Variants in MAP3K7 observed in about 807,000 individuals in gnomAD.
MAP3K7 encodes TGF-beta activated kinase 1.
In MAP3K7, 21 loss-of-function variants were observed where a neutral mutation model predicts 84.8. That is an observed-to-expected ratio of 0.25 (90% CI 0.18 to 0.36). The LOEUF (loss-of-function observed/expected upper bound fraction) is 0.36. Ranked by LOEUF, MAP3K7 falls within the 10% of genes least tolerant of loss-of-function variation. The pLI is 1.00. For synonymous variants in MAP3K7, 241 were observed against 247.7 expected (o/e 0.97, Z 0.25); for missense variants, 503 against 747.7 (o/e 0.67, Z 3.82).
chr6:90,562,619 C>A (rs956174534), intron 3 of MAP3K7, among the ~76,000 whole-genome samples: 1 of 152,222 alleles, frequency 6.6e-6, no homozygotes, highest in African/African-American at 2.4e-5. Flanking sequence ...AGGAGGCCTG[C>A]CCGCCTCTGT....
At chr6:90,567,808 C>T (rs1213567384) in intron 3 of MAP3K7, among the ~76,000 whole-genome samples, 1 of 152,142 alleles carries the variant, frequency 6.6e-6, no homozygotes, top group Non-Finnish European at 1.5e-5. Context: ...GACTTGGAAC[C>T]AACCCAAATG....
At chr6:90,584,896 T>C (rs754812441) in intron 1 of MAP3K7, among the ~76,000 whole-genome samples, 22 of 152,118 alleles carry the variant, frequency 1.4e-4, no homozygotes, top group Non-Finnish European at 2.8e-4. Context: ...GAAAGCTGCA[T>C]CAACTATCCA....
chr6:90,569,024 T>C (rs907041866), intron 2 of MAP3K7, among the ~76,000 whole-genome samples: 2 of 152,208 alleles, frequency 1.3e-5, no homozygotes, highest in African/African-American at 4.8e-5. Context: ...GCTATCATTG[T>C]TATCATCTTC....
chr6:90,553,016 T>C (rs1776228388), intron 7 of MAP3K7, among the ~76,000 whole-genome samples: 1 of 152,212 alleles, frequency 6.6e-6, no homozygotes. Flanking sequence ...AGGAAAAATA[T>C]GTGAAGCATT....
intron 5 of MAP3K7, among the ~76,000 whole-genome samples, chr6:90,559,543 A>G (rs780097653): frequency 6.6e-6 from 1 of 152,230 alleles, no homozygotes; most frequent in Non-Finnish European, 1.5e-5. Context: ...GTCTTTTAAA[A>G]TACTTATCTA....
At chr6:90,517,925 A>G (rs1175668638) in intron 16 of MAP3K7, among the ~76,000 whole-genome samples, 1 of 151,772 alleles carries the variant, frequency 6.6e-6, no homozygotes, top group Non-Finnish European at 1.5e-5. Context: ...ATGCTTAAGA[A>G]AACTGAAGAT....
At chr6:90,561,781 T>C in intron 3 of MAP3K7, 114 bp from the exon 4 acceptor site, 1 of 781,084 alleles carries the variant, frequency 1.3e-6, no homozygotes, top group Non-Finnish European at 2.2e-6. Flanking sequence ...AATCATTCTT[T>C]TGGCCCCTAC....
At chr6:90,517,435 T>C (rs1329615311) in intron 16 of MAP3K7, among the ~76,000 whole-genome samples, 4 of 151,898 alleles carry the variant, frequency 2.6e-5, no homozygotes, top group African/African-American at 9.7e-5. Flanking sequence ...GTATTTAAAA[T>C]TGATTAAAAC....
intron 4 of MAP3K7, 39 bp from the exon 5 acceptor site, chr6:90,560,253 C>A: frequency 6.2e-7 from 1 of 1,610,528 alleles, no homozygotes; most frequent in Non-Finnish European, 8.5e-7. Context: ...AACTTTATTG[C>A]ATATAACAAA....
chr6:90,579,680 T>C (rs557660491), intron 1 of MAP3K7, among the ~76,000 whole-genome samples: 2 of 152,334 alleles, frequency 1.3e-5, no homozygotes, highest in South Asian at 4.1e-4. Flanking sequence ...ATTATCTCAT[T>C]TTAATTAAGT....
At chr6:90,520,192 A>C (rs1775101861) in intron 14 of MAP3K7, among the ~76,000 whole-genome samples, 1 of 151,960 alleles carries the variant, frequency 6.6e-6, no homozygotes, top group African/African-American at 2.4e-5. Flanking sequence ...CTGTTAGTAG[A>C]CAAAAAAAGA....
intron 12 of MAP3K7, among the ~76,000 whole-genome samples, chr6:90,544,333 C>T (rs1451959400): frequency 6.6e-6 from 1 of 152,082 alleles, no homozygotes; most frequent in Non-Finnish European, 1.5e-5. Context: ...AAAAGGTTTA[C>T]TTTCTCTTCT....
At chr6:90,563,111 C>T (rs1164908411) in intron 3 of MAP3K7, among the ~76,000 whole-genome samples, 1 of 152,152 alleles carries the variant, frequency 6.6e-6, no homozygotes, top group African/African-American at 2.4e-5. Context: ...ATAAAAACCA[C>T]AAAAATGGGG....
Position 90,518,543 on chromosome 6 carries a change from T to C in MAP3K7, c.1544A>G (p.Asn515Ser), listed in dbSNP as rs750857862. ...HQLQPLAPCP[N>S]SKESMAVFEQ... is the part of the protein sequence containing the mutation. ...AAACACTGCCATAGATTCTTTGGAG[T>C]TTGGGCACGGTGCTAGAGGCTGAAA... The change falls in exon 16 of 17, where the codon AAC becomes AGC. Residue 515 changes from asparagine to serine, a missense_variant. Asn to Ser is a conservative substitution (Grantham distance 46, BLOSUM62 1). This residue lies in a region of MAP3K7 where 36 missense variants were observed against 74.5 expected (regional missense o/e 0.48). Transcript: ENST00000369329. 9.4e-6 allele frequency: 15 copies of C among 1,603,766 alleles called. No homozygotes were observed. Among genetic ancestry groups the C allele is most frequent in the Middle Eastern group, 1.7e-4 (1 of 6,048 alleles).
chr6:90,550,100 T>A (rs1286894343), intron 9 of MAP3K7, among the ~76,000 whole-genome samples: 2 of 152,108 alleles, frequency 1.3e-5, no homozygotes, highest in East Asian at 3.8e-4. Context: ...GAACAAAAAC[T>A]AGGGTGTTCG....
At chr6:90,556,374 A>G in intron 6 of MAP3K7, 126 bp downstream of exon 6, 1 of 967,804 alleles carries the variant, frequency 1.0e-6, no homozygotes, top group Non-Finnish European at 1.5e-6. Context: ...ATCCCCTTAG[A>G]TTTCATTGTA....
intron 1 of MAP3K7, among the ~76,000 whole-genome samples, chr6:90,582,533 G>T (rs1777308758): frequency 6.6e-6 from 1 of 152,174 alleles, no homozygotes; most frequent in Non-Finnish European, 1.5e-5. Context: ...CTTCTCTAAG[G>T]AAGTGTTAAT....
intron 1 of MAP3K7, among the ~76,000 whole-genome samples, chr6:90,576,419 TCACACACA>T (rs11468988): frequency 0.16 from 21,250 of 136,786 alleles, 1,862 homozygotes; most frequent in Non-Finnish European, 0.19. Flanking sequence ...CTAGACTCTG[TCACACACA>T]CACACACACA....
rs35881686 is a variant in MAP3K7 at position 90,517,219 on chromosome 6, CACTT to C, written c.1641-542_1641-539del. Among the ~76,000 whole-genome samples the C allele has an allele frequency of 2.9e-3, 448 of 151,892 alleles. 1 individual carries two copies. Among genetic ancestry groups the C allele is most frequent in the Middle Eastern group, 0.01 (3 of 294 alleles). On this transcript the variant is annotated intron_variant, in intron 16 of 16. Coordinates refer to ENST00000369329, the MANE Select transcript of MAP3K7 (RefSeq NM_145331.3). ...TGACAAAGTACCACTTCTTTTAAAA[CACTT>C]ACATTTGCAAGCACTTTCAGGAAAG...
Sources: gnomAD v4.1 joint callset for allele counts (sites outside exome capture counted in the v4.1 genomes callset) on GRCh38, gnomAD v4.1.1 for gene constraint, gnomAD v4.1.1 regional missense constraint, MANE v1.5 for transcripts, NCBI Gene and HGNC (gene_info 2026-07-23, HGNC 2026-07-21) for gene names.